Variants in LRMDA observed in about 807,000 individuals in gnomAD.
LRMDA encodes leucine rich melanocyte differentiation associated.
LRMDA carries 18 observed loss-of-function variants against 29.8 expected under a neutral mutation model. The ratio of observed to expected loss-of-function variants is 0.60; its 90% CI spans 0.42 to 0.90. LRMDA has a LOEUF of 0.90. Among genes scored for constraint, LRMDA ranks in the 40% least tolerant of loss-of-function variants. LRMDA has a pLI of 0.00. For missense variants in LRMDA, 273 were observed against 273.9 expected, an observed-to-expected ratio of 1.00 and a Z score of 0.02; for synonymous variants, 125 against 109.4, an observed-to-expected ratio of 1.14 and a Z score of -0.89.
chr10:75,764,197 C>T (rs945261848), intron 2 of LRMDA, among the ~76,000 whole-genome samples: 36 of 152,114 alleles, frequency 2.4e-4, no homozygotes, highest in Non-Finnish European at 5.1e-4. Context: ...CTCCCCGGCC[C>T]ATCTAGATTA....
intron 2 of LRMDA, among the ~76,000 whole-genome samples, chr10:75,973,086 C>T (rs564882629): frequency 6.8e-5 from 10 of 146,326 alleles, no homozygotes; most frequent in Admixed American, 1.4e-4. Context: ...CTCCTGTTTA[C>T]GTGTTCTTAT....
intron 5 of LRMDA, among the ~76,000 whole-genome samples, chr10:76,257,886 A>G (rs1852627473): frequency 6.6e-6 from 1 of 152,140 alleles, no homozygotes; most frequent in East Asian, 1.9e-4. Flanking sequence ...CTCAGTTGAG[A>G]TGGCTGGAAT....
At chr10:75,765,214 CT>C (rs75491344) in intron 2 of LRMDA, among the ~76,000 whole-genome samples, 13,454 of 145,078 alleles carry the variant, frequency 0.093, 1,290 homozygotes, top group African/African-American at 0.24. Context: ...TGTTAGGTGT[CT>C]TTTTTTTTTT....
intron 5 of LRMDA, among the ~76,000 whole-genome samples, chr10:76,252,252 T>G (rs1852499584): frequency 6.6e-6 from 1 of 152,128 alleles, no homozygotes; most frequent in South Asian, 2.1e-4. Flanking sequence ...GCCTAGTTTA[T>G]AAAGCTGCCC....
chr10:75,594,149 C>T (rs1040600722), intron 2 of LRMDA, among the ~76,000 whole-genome samples: 20 of 152,138 alleles, frequency 1.3e-4, no homozygotes, highest in African/African-American at 4.6e-4. Flanking sequence ...CAGGGTGCCC[C>T]GGGTGCCCCT....
chr10:76,529,420 ACATT>A (rs1402353350), intron 6 of LRMDA, among the ~76,000 whole-genome samples: 1 of 152,120 alleles, frequency 6.6e-6, no homozygotes, highest in African/African-American at 2.4e-5. Flanking sequence ...GGGGAATGAG[ACATT>A]ATGAGTGTCC....
chr10:76,058,552 G>A (rs1848651891), intron 4 of LRMDA, 114 bp from the exon 5 acceptor site: 3 of 843,794 alleles, frequency 3.6e-6, no homozygotes, highest in Non-Finnish European at 6.0e-6. Flanking sequence ...GCGCAGCCAA[G>A]GTCTAAGTTC....
At chr10:75,993,373 CTAAGTAATTAACAT>C (rs1847405129) in intron 2 of LRMDA, among the ~76,000 whole-genome samples, 2 of 152,118 alleles carry the variant, frequency 1.3e-5, no homozygotes, top group African/African-American at 4.8e-5. Context: ...AGGCATTGTT[CTAAGTAATTAACAT>C]AATTCTTCAA....
At chr10:76,205,843 C>T (rs1851524666) in intron 5 of LRMDA, among the ~76,000 whole-genome samples, 1 of 151,934 alleles carries the variant, frequency 6.6e-6, no homozygotes, top group African/African-American at 2.4e-5. Flanking sequence ...GTAGGATATG[C>T]AGATCTTTGC....
chr10:75,985,667 G>A lies in LRMDA; in HGVS notation c.132-50341G>A, dbSNP rs551912485. ...GTCTGTGAGAGATGACACCCTGGTT[G>A]GCCAGTCAGTTTCTGTGCCTGCCTG... On this transcript the variant is annotated intron_variant, in intron 2 of 6. Coordinates refer to ENST00000611255, the MANE Select transcript of LRMDA (RefSeq NM_001305581.2). Among the ~76,000 whole-genome samples, 39 of 152,320 alleles carry A rather than the reference G, an allele frequency of 2.6e-4. No homozygotes were observed. In the South Asian group the frequency reaches 3.1e-3, roughly 12 times the overall value.
At chr10:76,101,524 G>C (rs1849394304) in intron 5 of LRMDA, among the ~76,000 whole-genome samples, 1 of 152,148 alleles carries the variant, frequency 6.6e-6, no homozygotes, top group African/African-American at 2.4e-5. Context: ...ATCAGTTGAG[G>C]CCAGGAGTTT....
At chr10:76,296,644 A>G (rs552316836) in intron 5 of LRMDA, among the ~76,000 whole-genome samples, 1 of 152,364 alleles carries the variant, frequency 6.6e-6, no homozygotes, top group South Asian at 2.1e-4. Context: ...AAAGTTTATT[A>G]AAACAGTATA....
chr10:76,267,974 G>T (rs1380537583), intron 5 of LRMDA, among the ~76,000 whole-genome samples: 1 of 152,120 alleles, frequency 6.6e-6, no homozygotes, highest in African/African-American at 2.4e-5. Flanking sequence ...CTATTAAAAT[G>T]ATTTACATAT....
chr10:76,433,327 C>T (rs1298683727), intron 6 of LRMDA, among the ~76,000 whole-genome samples: 1 of 152,104 alleles, frequency 6.6e-6, no homozygotes, highest in Non-Finnish European at 1.5e-5. Context: ...GACACCACAC[C>T]CCCCAAGTAC....
At chr10:75,922,311 A>G (rs987924616) in intron 2 of LRMDA, among the ~76,000 whole-genome samples, 6 of 152,210 alleles carry the variant, frequency 3.9e-5, no homozygotes, top group Non-Finnish European at 8.8e-5. Context: ...GCATGACAGC[A>G]TGAGTTTTGG....
rs531981722 is a variant in LRMDA at position 75,693,745 on chromosome 10, G to A, written c.131+255251G>A. On this transcript the variant is annotated intron_variant, in intron 2 of 6. Coordinates refer to ENST00000611255, the MANE Select transcript of LRMDA (RefSeq NM_001305581.2). The stretch of plus-strand genomic sequence containing the variant: ...TTTAGAGCACTTCTGAGAGAAAAAT[G>A]TCTGGAAAATATCAGGGAGTCATTT... Among the ~76,000 whole-genome samples, 8 of 152,246 alleles carry A rather than the reference G, an allele frequency of 5.3e-5. No homozygotes were observed. In the East Asian group the frequency reaches 5.8e-4, roughly 11 times the overall value.
chr10:75,965,405 A>G (rs1468348312), intron 2 of LRMDA, among the ~76,000 whole-genome samples: 2 of 152,226 alleles, frequency 1.3e-5, no homozygotes, highest in African/African-American at 2.4e-5. Context: ...TTTGAAATCA[A>G]TTCTAAATTA....
intron 2 of LRMDA, among the ~76,000 whole-genome samples, chr10:75,903,688 T>G (rs1363792573): frequency 6.6e-6 from 1 of 152,196 alleles, no homozygotes; most frequent in African/African-American, 2.4e-5. Flanking sequence ...AGGAGTCCCT[T>G]TATCTGCTGC....
chr10:75,899,584 A>G (rs1845637547), intron 2 of LRMDA, among the ~76,000 whole-genome samples: 1 of 152,194 alleles, frequency 6.6e-6, no homozygotes, highest in Admixed American at 6.5e-5. Flanking sequence ...GGGGCCTGTG[A>G]TCTAGCAGCT....
Sources: gnomAD v4.1 joint callset for allele counts (sites outside exome capture counted in the v4.1 genomes callset) on GRCh38, gnomAD v4.1.1 for gene constraint, MANE v1.5 for transcripts, NCBI Gene and HGNC (gene_info 2026-07-23, HGNC 2026-07-21) for gene names.